Variants in WARS2 observed in about 807,000 individuals in gnomAD.
The protein encoded by WARS2 is tryptophan--tRNA ligase, mitochondrial.
In WARS2, 28 loss-of-function variants were observed where a neutral mutation model predicts 36.5. That is an observed-to-expected ratio of 0.77 (90% confidence interval 0.57 to 1.05). The LOEUF (loss-of-function observed/expected upper bound fraction) is 1.05, where lower values mean the gene tolerates loss of function less well. Among genes scored for constraint, WARS2 ranks in the 50% least tolerant of loss-of-function variants. The pLI is 0.00. For missense variants in WARS2, 435 were observed against 456.8 expected, an observed-to-expected ratio of 0.95 and a Z score of 0.44; for synonymous variants, 174 against 178.4, an observed-to-expected ratio of 0.98 and a Z score of 0.20.
At chr1:119,046,045 A>C (rs1029159466) in intron 2 of WARS2, among the ~76,000 whole-genome samples, 2 of 152,022 alleles carry the variant, frequency 1.3e-5, no homozygotes, top group African/African-American at 2.4e-5. Flanking sequence ...ACTCACACAC[A>C]CTCACACACT....
At position 119,034,138 on chromosome 1, in the gene WARS2, G is replaced by A. The variant is rs765373812; in HGVS notation, c.591C>T (p.Asn197=). The part of the protein sequence containing the change: ...ELVQDLAQGF[N]KKYGEFFPVP... ...CTGGAAAGAACTCCCCATACTTCTT[G>A]TTGAAACCTTGTGCTAGATCCTGAA... is the stretch of plus-strand genomic sequence containing the variant. Residue 197 remains asparagine (N), a synonymous_variant, in exon 5 of 6, where the codon AAC becomes AAT. Coordinates refer to ENST00000235521, the MANE Select transcript of WARS2 (RefSeq NM_015836.4). 15 of 1,614,052 alleles carry A rather than the reference G, an allele frequency of 9.3e-6. No individual in the cohort carries two copies. The highest frequency in any genetic ancestry group is 1.3e-5 in the Non-Finnish European group (15 of 1,179,914).
At chr1:119,087,376 A>C (rs587716865) in intron 1 of WARS2, among the ~76,000 whole-genome samples, 2 of 152,330 alleles carry the variant, frequency 1.3e-5, no homozygotes, top group African/African-American at 4.8e-5. Flanking sequence ...AAAGAAAATA[A>C]GTCATATGTT....
intron 2 of WARS2, among the ~76,000 whole-genome samples, chr1:119,067,731 G>A (rs1017759924): frequency 6.6e-6 from 1 of 151,922 alleles, no homozygotes; most frequent in African/African-American, 2.4e-5. Flanking sequence ...CAGAGAGCTT[G>A]AGCCACTTGC....
intron 2 of WARS2, among the ~76,000 whole-genome samples, chr1:119,057,398 C>A (rs1649915341): frequency 6.6e-6 from 1 of 151,636 alleles, no homozygotes; most frequent in Non-Finnish European, 1.5e-5. Context: ...CCCTCCTCGG[C>A]CTTCCAAAGT....
chr1:119,112,390 CAG>C (rs1654703372), intron 1 of WARS2, among the ~76,000 whole-genome samples: 1 of 152,058 alleles, frequency 6.6e-6, no homozygotes. Flanking sequence ...TGGGAAATAT[CAG>C]AGCAGTTTTT....
intron 1 of WARS2, among the ~76,000 whole-genome samples, chr1:119,124,605 C>A (rs1655533194): frequency 1.3e-5 from 2 of 152,156 alleles, no homozygotes; most frequent in Non-Finnish European, 2.9e-5. Flanking sequence ...TCACCGTAGT[C>A]CAAGCCACCA....
intron 2 of WARS2, among the ~76,000 whole-genome samples, chr1:119,072,174 A>G (rs1651373321): frequency 6.6e-6 from 1 of 152,180 alleles, no homozygotes; most frequent in Non-Finnish European, 1.5e-5. Flanking sequence ...ACATGCCTTC[A>G]TGGCTCTAAG....
chr1:119,086,045 A>T (rs984706201), intron 1 of WARS2: 4 of 1,370,564 alleles, frequency 2.9e-6, no homozygotes, highest in Non-Finnish European at 4.0e-6. Context: ...TTTCTCGTAG[A>T]GGCAAGGTCT....
intron 4 of WARS2, among the ~76,000 whole-genome samples, chr1:119,040,502 T>C (rs1189564051): frequency 6.6e-6 from 1 of 152,242 alleles, no homozygotes; most frequent in East Asian, 1.9e-4. Context: ...TTTTTGTTTT[T>C]GTTTTTGGAG....
At chr1:119,083,783 T>G (rs1324177801) in intron 1 of WARS2, among the ~76,000 whole-genome samples, 1 of 152,158 alleles carries the variant, frequency 6.6e-6, no homozygotes, top group South Asian at 2.1e-4. Context: ...AACAATTATC[T>G]AAACATGACA....
chr1:119,108,986 T>G (rs1490864771), intron 1 of WARS2, among the ~76,000 whole-genome samples: 1 of 152,014 alleles, frequency 6.6e-6, no homozygotes, highest in Non-Finnish European at 1.5e-5. Context: ...CGTGTTATTA[T>G]AAGTTTGTTG....
intron 1 of WARS2, chr1:119,085,437 C>T (rs1652568928): frequency 5.3e-6 from 8 of 1,500,174 alleles, no homozygotes; most frequent in African/African-American, 1.4e-5. Context: ...CTGTACCTCC[C>T]AGTCAGTTGT....
chr1:119,072,754 T>C (rs1332097698), intron 2 of WARS2, among the ~76,000 whole-genome samples: 1 of 152,160 alleles, frequency 6.6e-6, no homozygotes, highest in East Asian at 1.9e-4. Context: ...GTCATTACAG[T>C]ATTATGGTTA....
intron 1 of WARS2, among the ~76,000 whole-genome samples, chr1:119,081,249 T>A (rs1204485388): frequency 1.3e-5 from 2 of 152,344 alleles, no homozygotes; most frequent in African/African-American, 4.8e-5. Context: ...CAAAAGCAAT[T>A]GAAAATTCCC....
At chr1:119,131,908 G>A (rs1352920596) in intron 1 of WARS2, among the ~76,000 whole-genome samples, 1 of 151,916 alleles carries the variant, frequency 6.6e-6, no homozygotes, top group East Asian at 1.9e-4. Flanking sequence ...GTGGTGGGGG[G>A]CGGGAAGAAT....
intron 2 of WARS2, among the ~76,000 whole-genome samples, chr1:119,050,629 A>G (rs750917398): frequency 3.9e-5 from 6 of 152,194 alleles, no homozygotes; most frequent in Non-Finnish European, 7.3e-5. Context: ...ACTGTATACA[A>G]ATAAGTGAGG....
chr1:119,134,735 G>A (rs1337975009), intron 1 of WARS2, among the ~76,000 whole-genome samples: 1 of 152,192 alleles, frequency 6.6e-6, no homozygotes, highest in Non-Finnish European at 1.5e-5. Context: ...GGCATCTAGG[G>A]TCTCACAGTG....
intron 2 of WARS2, among the ~76,000 whole-genome samples, chr1:119,060,848 C>T (rs1650315635): frequency 6.6e-6 from 1 of 152,076 alleles, no homozygotes. Context: ...ACCATAATGC[C>T]TGGAAAATAA....
intron 2 of WARS2, among the ~76,000 whole-genome samples, chr1:119,069,586 G>A (rs1430102272): frequency 6.6e-6 from 1 of 152,172 alleles, no homozygotes; most frequent in Non-Finnish European, 1.5e-5. Context: ...AAGGTAATCA[G>A]ATCATCCAAA....
Sources: allele counts gnomAD v4.1 joint callset (sites outside exome capture counted in the v4.1 genomes callset), GRCh38; gene constraint gnomAD v4.1.1; transcripts MANE v1.5; gene names NCBI Gene and HGNC (gene_info 2026-07-23, HGNC 2026-07-21).